PAK5: variants seen among roughly 807,000 people sequenced by gnomAD.
The protein encoded by PAK5 is p21 (RAC1) activated kinase 5.
A neutral mutation model predicts 65.9 loss-of-function variants in PAK5; 16 were observed. The ratio of observed to expected loss-of-function variants is 0.24; its 90% CI spans 0.16 to 0.37. The LOEUF is 0.37. Among genes scored for constraint, PAK5 ranks in the 10% least tolerant of loss-of-function variants. The pLI is 1.00. For synonymous variants in PAK5, 371 were observed against 354.9 expected (o/e 1.05, Z -0.51); for missense variants, 785 against 903.9 (o/e 0.87, Z 1.69).
chr20:9,614,928 T>G (rs528733289), intron 3 of PAK5, among the ~76,000 whole-genome samples: 1 of 152,324 alleles, frequency 6.6e-6, no homozygotes, highest in East Asian at 1.9e-4. Context: ...TAAAATGAAA[T>G]TTTTAACTTG....
intron 3 of PAK5, among the ~76,000 whole-genome samples, chr20:9,600,531 C>A (rs1160886686): frequency 6.6e-6 from 1 of 152,122 alleles, no homozygotes; most frequent in African/African-American, 2.4e-5. Flanking sequence ...TAATGTTTTG[C>A]AGTTTGAGTG....
intron 2 of PAK5, among the ~76,000 whole-genome samples, chr20:9,672,840 T>A (rs1041297431): frequency 1.3e-5 from 2 of 152,174 alleles, no homozygotes; most frequent in Non-Finnish European, 2.9e-5. Context: ...TACAAATAGA[T>A]GGCTCTTGAA....
At chr20:9,735,256 A>T (rs953361121) in intron 1 of PAK5, among the ~76,000 whole-genome samples, 1 of 152,180 alleles carries the variant, frequency 6.6e-6, no homozygotes, top group Non-Finnish European at 1.5e-5. Flanking sequence ...GGAGTACCAG[A>T]GGGGAGAGCT....
intron 3 of PAK5, among the ~76,000 whole-genome samples, chr20:9,594,960 T>C (rs2046236526): frequency 6.6e-6 from 1 of 152,094 alleles, no homozygotes; most frequent in Non-Finnish European, 1.5e-5. Flanking sequence ...AAATCATATA[T>C]TTATTACGGA....
At chr20:9,584,764 A>G (rs1434865143) in intron 3 of PAK5, among the ~76,000 whole-genome samples, 1 of 152,244 alleles carries the variant, frequency 6.6e-6, no homozygotes, top group African/African-American at 2.4e-5. Context: ...GTTTGTTTGT[A>G]TCACAGTGTA....
chr20:9,801,318 A>G lies in PAK5; in HGVS notation c.-162+37444T>C, dbSNP rs553180554. Among the ~76,000 whole-genome samples the G allele has an allele frequency of 2.0e-5, 3 of 152,148 alleles. No homozygotes were observed. The East Asian group carries it at 5.8e-4, about 29-fold the overall frequency. On this transcript the variant is annotated intron_variant, in intron 1 of 9. Transcript: ENST00000353224. ...ACACACAGCTAATTCCTTCAATGTCAAAATATTTATATAGATATAAATATA... is the reference window on the plus strand; with the variant it reads ...ACACACAGCTAATTCCTTCAATGTCGAAATATTTATATAGATATAAATATA...
intron 1 of PAK5, among the ~76,000 whole-genome samples, chr20:9,725,883 G>T (rs2048271644): frequency 1.3e-5 from 2 of 152,046 alleles, no homozygotes; most frequent in South Asian, 4.1e-4. Flanking sequence ...AAAAGTATGT[G>T]CCATTACAAA....
Position 9,687,886 on chromosome 20 carries a change from G to GGTGTGTGTGT in PAK5, c.-12+23390_-12+23399dup, listed in dbSNP as rs111641971. On this transcript the variant is annotated intron_variant, in intron 2 of 9. Coordinates refer to ENST00000353224, the MANE Select transcript of PAK5 (RefSeq NM_177990.4). The stretch of plus-strand genomic sequence containing the variant: ...AGATGAAGAGAAGTCAAGAGAGGGA[G>GGTGTGTGTGT]GTGTGTGTGTGTGTGTGTGTGTGTG... Among the ~76,000 whole-genome samples, 646 of 148,728 alleles carry GGTGTGTGTGT rather than the reference G, an allele frequency of 4.3e-3. 5 individuals carry two copies. The highest frequency in any genetic ancestry group is 0.013 in the African/African-American group (542 of 40,470).
At chr20:9,742,956 A>G (rs891022196) in intron 1 of PAK5, among the ~76,000 whole-genome samples, 3 of 152,234 alleles carry the variant, frequency 2.0e-5, no homozygotes, top group African/African-American at 7.2e-5. Flanking sequence ...CTAAGGTTTT[A>G]GCAGGTTATT....
At chr20:9,575,390 A>C (rs931249827) in intron 4 of PAK5, among the ~76,000 whole-genome samples, 1 of 152,136 alleles carries the variant, frequency 6.6e-6, no homozygotes, top group Non-Finnish European at 1.5e-5. Flanking sequence ...AGATGATGAA[A>C]CTGATGCACA....
chr20:9,646,895 AGCT>A (rs1180350723), intron 2 of PAK5, among the ~76,000 whole-genome samples: 2 of 152,238 alleles, frequency 1.3e-5, no homozygotes, highest in Non-Finnish European at 2.9e-5. Flanking sequence ...AGAGCTGCCC[AGCT>A]GACCAGCAGC....
At chr20:9,592,514 TGTAAAAATTTGGCATACTTTAC>T (rs2046190091) in intron 3 of PAK5, among the ~76,000 whole-genome samples, 2 of 152,218 alleles carry the variant, frequency 1.3e-5, no homozygotes, top group Admixed American at 1.3e-4. Context: ...TACATACATT[TGTAAAAATTTGGCATACTTTAC>T]GTTTATGATT....
At chr20:9,611,468 G>A (rs147690388) in intron 3 of PAK5, among the ~76,000 whole-genome samples, 54 of 152,158 alleles carry the variant, frequency 3.5e-4, no homozygotes, top group Middle Eastern at 3.4e-3. Flanking sequence ...TTCCCCATGT[G>A]TTTACCTTCC....
chr20:9,552,634 C>A lies in PAK5; in HGVS notation c.1743+4974G>T, dbSNP rs149536988. 8.0e-4 allele frequency among the ~76,000 whole-genome samples: 122 copies of A among 151,968 alleles called. 1 individual carries two copies. Among genetic ancestry groups the A allele is most frequent in the African/African-American group, 2.8e-3 (116 of 41,460 alleles). On this transcript the variant is annotated intron_variant, in intron 7 of 9. Transcript: ENST00000353224. ...GTTGATAAAAGATAATTTATCTAGTCTTTTGAGAGGACAGAAAGCATTCAT... is the reference window on the plus strand; with the variant it reads ...GTTGATAAAAGATAATTTATCTAGTATTTTGAGAGGACAGAAAGCATTCAT...
At chr20:9,588,072 C>T (rs2046101603) in intron 3 of PAK5, among the ~76,000 whole-genome samples, 1 of 152,142 alleles carries the variant, frequency 6.6e-6, no homozygotes, top group Non-Finnish European at 1.5e-5. Context: ...AAAACGATGA[C>T]TTCCATTTAT....
At chr20:9,744,115 T>C (rs2048480641) in intron 1 of PAK5, among the ~76,000 whole-genome samples, 1 of 152,186 alleles carries the variant, frequency 6.6e-6, no homozygotes, top group African/African-American at 2.4e-5. Context: ...TGGTCTCCTA[T>C]GGCCTCTGGA....
chr20:9,629,566 C>G (rs2046895206), intron 3 of PAK5, among the ~76,000 whole-genome samples: 1 of 152,082 alleles, frequency 6.6e-6, no homozygotes, highest in African/African-American at 2.4e-5. Context: ...TCAAGTGATC[C>G]TCCTGCCTTG....
chr20:9,835,327 G>A (rs370567037), intron 1 of PAK5, among the ~76,000 whole-genome samples: 40 of 152,248 alleles, frequency 2.6e-4, no homozygotes, highest in African/African-American at 8.7e-4. Context: ...GAGTTGGGTC[G>A]GTGGGGAAGA....
chr20:9,689,920 A>G (rs999012397), intron 2 of PAK5, among the ~76,000 whole-genome samples: 2 of 152,216 alleles, frequency 1.3e-5, no homozygotes, highest in African/African-American at 4.8e-5. Flanking sequence ...GCCTGCAGGC[A>G]TCAGAGCTCA....
Sources: allele counts gnomAD v4.1 joint callset (sites outside exome capture counted in the v4.1 genomes callset), GRCh38; gene constraint gnomAD v4.1.1; transcripts MANE v1.5; gene names NCBI Gene and HGNC (gene_info 2026-07-23, HGNC 2026-07-21).